The following FAT4 variants were observed in gnomAD, a reference collection of about 807,000 sequenced individuals.
FAT4 encodes protocadherin Fat 4.
FAT4 carries 84 observed loss-of-function variants against 303.9 expected under a neutral mutation model. The ratio of observed to expected loss-of-function variants is 0.28; its 90% confidence interval spans 0.23 to 0.33. The LOEUF is 0.33. Ranked by LOEUF, FAT4 falls within the 10% of genes least tolerant of loss-of-function variation. The probability of loss-of-function intolerance (pLI) is 1.00; values close to 1 mark genes in which losing one functional copy is unlikely to be tolerated. For synonymous variants in FAT4, 2,307 were observed against 2,298.8 expected, an observed-to-expected ratio of 1.00 and a Z score of -0.10; for missense variants, 6,005 against 6,146.8, an observed-to-expected ratio of 0.98 and a Z score of 0.77.
At chr4:125,398,955 T>G in intron 3 of FAT4, 40 bp downstream of exon 3, 1 of 1,600,844 alleles carries the variant, frequency 6.2e-7, no homozygotes, top group Non-Finnish European at 8.6e-7. Flanking sequence ...AACTTCGTAG[T>G]GCAGTGATTT....
intron 5 of FAT4, among the ~76,000 whole-genome samples, chr4:125,409,293 G>C (rs143079935): frequency 0.028 from 4,111 of 146,856 alleles, 195 homozygotes; most frequent in African/African-American, 0.098. Flanking sequence ...TTTCACTCTT[G>C]TTGCCCAGGC....
At chr4:125,416,380 T>G (rs1578618988) in intron 6 of FAT4, 68 bp from the exon 7 acceptor site, 1 of 1,345,674 alleles carries the variant, frequency 7.4e-7, no homozygotes, top group South Asian at 1.4e-5. Flanking sequence ...TTTTTTTTAA[T>G]GGAGGCATTT....
Position 125,491,251 on chromosome 4 carries a change from A to G in FAT4, c.14435A>G (p.His4812Arg). ...PRNPSICSAD[H>R]GRSSSEEDCR... ...AACCCAAGTATCTGCAGTGCAGACC[A>G]TGGGAGGTCTTCTTCAGAGGAGGAC... The change falls in exon 18 of 18, where the codon CAT becomes CGT. Residue 4812 changes from histidine to arginine, a missense_variant. Transcript: ENST00000394329. 1.2e-6 allele frequency: 2 copies of G among 1,614,146 alleles called. No individual in the cohort carries two copies. Among genetic ancestry groups the G allele is most frequent in the Non-Finnish European group, 8.5e-7 (1 of 1,180,024 alleles).
chr4:125,472,026 T>G (rs1203918343), intron 12 of FAT4, among the ~76,000 whole-genome samples: 2 of 138,298 alleles, frequency 1.4e-5, no homozygotes, highest in African/African-American at 5.5e-5. Context: ...TGAGCCGAGA[T>G]CTCGCCACTG....
intron 15 of FAT4, among the ~76,000 whole-genome samples, chr4:125,480,542 T>A (rs1727190371): frequency 1.3e-5 from 2 of 152,166 alleles, no homozygotes; most frequent in African/African-American, 4.8e-5. Flanking sequence ...AAGTGGTTAC[T>A]ACTTAACTCC....
chr4:125,458,950 G>C (rs1235112882), intron 10 of FAT4, among the ~76,000 whole-genome samples: 1 of 151,880 alleles, frequency 6.6e-6, no homozygotes, highest in African/African-American at 2.4e-5. Context: ...GCAAAAGACA[G>C]CTACTTTTTG....
intron 2 of FAT4, among the ~76,000 whole-genome samples, chr4:125,388,814 T>C (rs906530608): frequency 6.6e-6 from 1 of 152,150 alleles, no homozygotes; most frequent in African/African-American, 2.4e-5. Context: ...ATGGAAAGCA[T>C]TTTGTTTTAA....
chr4:125,401,510 T>C (rs1734388041), intron 3 of FAT4, among the ~76,000 whole-genome samples: 1 of 151,570 alleles, frequency 6.6e-6, no homozygotes, highest in Non-Finnish European at 1.5e-5. Context: ...TTGTGTAGAT[T>C]TTTAAAAATT....
intron 8 of FAT4, among the ~76,000 whole-genome samples, chr4:125,443,206 A>G (rs1250716845): frequency 6.6e-6 from 1 of 152,172 alleles, no homozygotes; most frequent in Non-Finnish European, 1.5e-5. Context: ...TACAAAAGCA[A>G]TAGTTGATTT....
chr4:125,474,318 T>G (rs927036437), intron 12 of FAT4, among the ~76,000 whole-genome samples: 1 of 152,008 alleles, frequency 6.6e-6, no homozygotes, highest in African/African-American at 2.4e-5. Context: ...GCATAATATA[T>G]GTGGAGAGAT....
At chr4:125,471,627 C>A (rs1472340945) in intron 12 of FAT4, among the ~76,000 whole-genome samples, 1 of 151,596 alleles carries the variant, frequency 6.6e-6, no homozygotes, top group African/African-American at 2.4e-5. Context: ...ATTTTTTATT[C>A]TTTATTTATC....
At chr4:125,327,875 C>T (rs1204253000) in intron 2 of FAT4, among the ~76,000 whole-genome samples, 1 of 152,048 alleles carries the variant, frequency 6.6e-6, no homozygotes, top group Non-Finnish European at 1.5e-5. Flanking sequence ...TGCACTTTGT[C>T]ATCATTAGAG....
At position 125,419,651 on chromosome 4, in the gene FAT4, T is replaced by G. The variant is rs79150317; in HGVS notation, c.7018+3029T>G. On this transcript the variant is annotated intron_variant, in intron 7 of 17. Transcript: ENST00000394329. The stretch of plus-strand genomic sequence containing the variant: ...TGTCTTACCATTGACTACATGGGAT[T>G]CAATAACTTGGTCTCTGTCCATTTA... Among the ~76,000 whole-genome samples, 1,405 of 152,296 alleles carry G rather than the reference T, an allele frequency of 9.2e-3. 9 individuals are homozygous for G. The highest frequency in any genetic ancestry group is 0.014 in the Middle Eastern group (4 of 294).
intron 4 of FAT4, among the ~76,000 whole-genome samples, chr4:125,407,444 A>G (rs1185669049): frequency 4.0e-5 from 6 of 149,222 alleles, no homozygotes; most frequent in African/African-American, 1.5e-4. Flanking sequence ...AAAAACGTCT[A>G]ATGTGATTTG....
At chr4:125,327,548 G>T (rs1244785852) in intron 2 of FAT4, among the ~76,000 whole-genome samples, 1 of 152,054 alleles carries the variant, frequency 6.6e-6, no homozygotes, top group Non-Finnish European at 1.5e-5. Context: ...GTGAATTAAA[G>T]GGCTTTATAA....
chr4:125,451,813 T>G lies in FAT4; in HGVS notation c.10803T>G (p.Thr3601=). 6.2e-7 allele frequency: 1 copy of G among 1,614,186 alleles called. No individual in the cohort carries two copies. The highest frequency in any genetic ancestry group is 8.5e-7 in the Non-Finnish European group (1 of 1,180,026). Residue 3601 remains threonine, a synonymous_variant, in exon 10 of 18, where the codon ACT becomes ACG. Coordinates refer to ENST00000394329, the MANE Select transcript of FAT4 (RefSeq NM_001291303.3). ...TTCCTCAAATGTCTTCCACAGGAAC[T>G]GTGCATATCACAGTTATAGACCAAA... ...SGVPQMSSTG[T]VHITVIDQND...
chr4:125,482,074 A>G (rs556588188), intron 16 of FAT4, among the ~76,000 whole-genome samples: 1 of 152,362 alleles, frequency 6.6e-6, no homozygotes, highest in Non-Finnish European at 1.5e-5. Flanking sequence ...CAAACCAAAA[A>G]TATAATGTTT....
intron 5 of FAT4, among the ~76,000 whole-genome samples, chr4:125,411,240 G>A (rs1469760905): frequency 6.6e-6 from 1 of 151,892 alleles, no homozygotes; most frequent in Non-Finnish European, 1.5e-5. Context: ...CTTACATGAT[G>A]ATTTCATAAA....
chr4:125,336,448 G>A (rs990623525), intron 2 of FAT4, among the ~76,000 whole-genome samples: 3 of 151,850 alleles, frequency 2.0e-5, no homozygotes, highest in Non-Finnish European at 2.9e-5. Flanking sequence ...TAATCCACCC[G>A]CCTAGGGAAA....
Sources: gnomAD v4.1 joint callset for allele counts (sites outside exome capture counted in the v4.1 genomes callset) on GRCh38, gnomAD v4.1.1 for gene constraint, MANE v1.5 for transcripts, NCBI Gene and HGNC (gene_info 2026-07-23, HGNC 2026-07-21) for gene names.